Variants in N4BP2 observed in about 807,000 individuals in gnomAD.
N4BP2 encodes NEDD4-binding protein 2.
Under a neutral mutation model 152.8 loss-of-function variants are expected in N4BP2, and 91 were observed. That is an observed-to-expected ratio of 0.60 (90% CI 0.50 to 0.71). The LOEUF is 0.71. Among genes scored for constraint, N4BP2 ranks in the 30% least tolerant of loss-of-function variants. N4BP2 has a pLI of 0.00. For synonymous variants in N4BP2, 646 were observed against 705.3 expected (o/e 0.92, Z 1.33); for missense variants, 1,923 against 2,059.1 (o/e 0.93, Z 1.28).
chr4:40,110,423 T>G (rs181514234), intron 5 of N4BP2, among the ~76,000 whole-genome samples: 3 of 152,336 alleles, frequency 2.0e-5, no homozygotes, highest in Non-Finnish European at 4.4e-5. Context: ...TCCGTTTTTT[T>G]GATTATTCCT....
chr4:40,134,707 T>A (rs1719198221), intron 13 of N4BP2, among the ~76,000 whole-genome samples: 1 of 152,116 alleles, frequency 6.6e-6, no homozygotes, highest in Non-Finnish European at 1.5e-5. Context: ...TGAGCATATC[T>A]GAGGCAGCAA....
At chr4:40,184,070 C>A in the N4BP2 span, among the ~76,000 whole-genome samples, 3 of 152,178 alleles carry the variant, frequency 2.0e-5, no homozygotes, top group Admixed American at 6.5e-5. Flanking sequence ...TCAGAAGATT[C>A]TTTTTCAGTC....
At chr4:40,189,046 TG>T in the N4BP2 span, among the ~76,000 whole-genome samples, 1 of 152,092 alleles carries the variant, frequency 6.6e-6, no homozygotes. The surrounding 1 kb of genome is among the most constrained non-coding windows in gnomAD (Gnocchi z 4.3). Context: ...CTCAGGAGGC[TG>T]AGGCAAGAGA....
chr4:40,077,557 G>T (rs1450728633), intron 2 of N4BP2, among the ~76,000 whole-genome samples: 1 of 151,358 alleles, frequency 6.6e-6, no homozygotes, highest in East Asian at 1.9e-4. Context: ...GGATTCAAGC[G>T]ATTCTCCTGC....
In N4BP2 at chr4:40,121,688, A is replaced by G. The variant is rs757232361; in HGVS notation, c.3577A>G (p.Thr1193Ala). Residue 1193 changes from threonine to alanine, a missense_variant, in exon 9 of 18, where the codon ACT (threonine) becomes GCT (alanine). Coordinates refer to ENST00000261435, the MANE Select transcript of N4BP2 (RefSeq NM_018177.6). The stretch of plus-strand genomic sequence containing the variant: ...TATTAGTAACGCTGACTCACAGTCT[A>G]CTTGTGATGCAGAAAGAGGAAACTC... Reference protein sequence around the residue: ...IGISNADSQSTCDAERGNSEQ... With the variant: ...IGISNADSQSACDAERGNSEQ... 13 of 1,614,000 alleles carry G rather than the reference A, an allele frequency of 8.1e-6. No homozygotes were observed. Among genetic ancestry groups the G allele is most frequent in the Non-Finnish European group, 6.8e-6 (8 of 1,179,988 alleles).
chr4:40,100,515 G>A (rs185825734), intron 3 of N4BP2, among the ~76,000 whole-genome samples: 8 of 151,950 alleles, frequency 5.3e-5, no homozygotes, highest in Admixed American at 4.6e-4. Flanking sequence ...CTATGTGGCT[G>A]GTACTATACG....
At chr4:40,091,562 C>T (rs1404965896) in intron 2 of N4BP2, among the ~76,000 whole-genome samples, 2 of 148,810 alleles carry the variant, frequency 1.3e-5, no homozygotes, top group Non-Finnish European at 3.0e-5. Context: ...ACTAGCCTTG[C>T]CTTCCTGGAA....
At chr4:40,169,703 G>A in the N4BP2 span, among the ~76,000 whole-genome samples, 6 of 151,230 alleles carry the variant, frequency 4.0e-5, no homozygotes, top group African/African-American at 9.7e-5. Context: ...GGTGGCTCTC[G>A]CTTGTAATCC....
downstream of N4BP2, among the ~76,000 whole-genome samples, chr4:40,160,710 G>T (rs146358001): frequency 6.6e-6 from 1 of 152,188 alleles, no homozygotes; most frequent in South Asian, 2.1e-4. Flanking sequence ...GGAGAGTTGG[G>T]GAAACAAAAG....
At chr4:40,087,753 T>TA (rs1316941398) in intron 2 of N4BP2, among the ~76,000 whole-genome samples, 51 of 152,250 alleles carry the variant, frequency 3.3e-4, no homozygotes, top group African/African-American at 1.0e-3. Context: ...GGCTTTTTTT[T>TA]AGATTTTTTT....
At position 40,103,163 on chromosome 4, in the gene N4BP2, C is replaced by T. The variant is rs1423445647; in HGVS notation, c.1318C>T (p.Leu440=). Residue 440 remains leucine, a synonymous_variant, in exon 4 of 18, where the codon CTA becomes TTA. Coordinates refer to ENST00000261435, the MANE Select transcript of N4BP2 (RefSeq NM_018177.6). The stretch of plus-strand genomic sequence containing the variant: ...AAGAAAGAAGACATCTTACGTTGGA[C>T]TAGTTCTTGTTCTTCTCAGAGGTCT... ...VVRKKTSYVG[L]VLVLLRGLPG... 5 of 1,613,958 alleles carry T rather than the reference C, an allele frequency of 3.1e-6. No individual in the cohort carries two copies. Among genetic ancestry groups the T allele is most frequent in the Non-Finnish European group, 4.2e-6 (5 of 1,180,008 alleles).
rs547448961 is a variant in N4BP2 at position 40,148,235 on chromosome 4, G to A, written c.5143+3435G>A. 2.3e-3 allele frequency among the ~76,000 whole-genome samples: 343 copies of A among 152,374 alleles called. 1 individual carries two copies. The highest frequency in any genetic ancestry group is 7.8e-3 in the African/African-American group (325 of 41,590). On this transcript the variant is annotated intron_variant, in intron 16 of 17. Coordinates refer to ENST00000261435, the MANE Select transcript of N4BP2 (RefSeq NM_018177.6). ...AGGCCGAGGCTGGCAGATCACTCGCGGTTAGGAGCTGGAGAGCAGCCTGGC... is the reference window on the plus strand; with the variant it reads ...AGGCCGAGGCTGGCAGATCACTCGCAGTTAGGAGCTGGAGAGCAGCCTGGC...
chr4:40,066,178 C>G (rs961611032), intron 1 of N4BP2, among the ~76,000 whole-genome samples: 2 of 152,024 alleles, frequency 1.3e-5, no homozygotes, highest in African/African-American at 4.8e-5. Context: ...ATCCACCTGC[C>G]TCAGCCTCCC....
the N4BP2 span, among the ~76,000 whole-genome samples, chr4:40,170,950 G>A: frequency 2.0e-5 from 3 of 152,202 alleles, no homozygotes; most frequent in African/African-American, 7.2e-5. Flanking sequence ...ATATGGAAAA[G>A]GCTTTTACAT....
chr4:40,131,872 T>G lies in N4BP2; in HGVS notation c.4599T>G (p.Phe1533Leu), dbSNP rs759020036. The G allele has an allele frequency of 4.3e-6, 7 of 1,613,542 alleles. No homozygotes were observed. The highest frequency in any genetic ancestry group is 5.9e-6 in the Non-Finnish European group (7 of 1,179,770). The change falls in exon 13 of 18, where the codon TTT (phenylalanine) becomes TTG (leucine). Residue 1533 changes from phenylalanine to leucine, a missense_variant. Physicochemically the swap from Phe to Leu is conservative, Grantham distance 22. Coordinates refer to ENST00000261435, the MANE Select transcript of N4BP2 (RefSeq NM_018177.6). The part of the protein sequence containing the change: ...KLKEKQLFKI[F>L]PAINQNFLVD... Reference sequence around the variant, plus strand: ...AGGAGAAGCAGCTCTTTAAGATATTTCCAGCCATTAACCAAAATTTTCTGG... The same window carrying G: ...AGGAGAAGCAGCTCTTTAAGATATTGCCAGCCATTAACCAAAATTTTCTGG...
At chr4:40,110,898 G>A (rs1209298495) in intron 5 of N4BP2, among the ~76,000 whole-genome samples, 1 of 152,084 alleles carries the variant, frequency 6.6e-6, no homozygotes, top group Non-Finnish European at 1.5e-5. Context: ...TAGAGACTGG[G>A]CAGAACTTTG....
intron 10 of N4BP2, 123 bp downstream of exon 10, chr4:40,123,335 T>G: frequency 1.7e-6 from 1 of 586,566 alleles, no homozygotes; most frequent in Non-Finnish European, 3.0e-6. Context: ...ATGGAAGAGT[T>G]CTATTGAATT....
intron 8 of N4BP2, among the ~76,000 whole-genome samples, chr4:40,119,267 G>GTGAAATCATCTT (rs2109992507): frequency 6.6e-6 from 1 of 152,198 alleles, no homozygotes; most frequent in South Asian, 2.1e-4. Context: ...CACTTAGGAA[G>GTGAAATCATCTT]GCATCCTGCG....
chr4:40,104,275 T>C (rs115886848), intron 4 of N4BP2, among the ~76,000 whole-genome samples: 9,744 of 151,348 alleles, frequency 0.064, 379 homozygotes, highest in Non-Finnish European at 0.085. Flanking sequence ...TTTTTTTTTT[T>C]CCTTTTTCCA....
Sources: gnomAD v4.1 joint callset for allele counts (sites outside exome capture counted in the v4.1 genomes callset) on GRCh38, gnomAD v4.1.1 for gene constraint, Gnocchi (gnomAD v3.1) non-coding constraint, MANE v1.5 for transcripts, NCBI Gene and HGNC (gene_info 2026-07-23, HGNC 2026-07-21) for gene names.